Variants in XCR1 observed in about 807,000 individuals in gnomAD.
XCR1 encodes chemokine XC receptor 1.
For synonymous variants in XCR1, 187 were observed against 188.5 expected (o/e 0.99, Z 0.06); for missense variants, 356 against 424.2 (o/e 0.84, Z 1.41).
At chr3:46,063,210 G>C (rs1233059774) in intron 4 of XCR1, among the ~76,000 whole-genome samples, 2 of 152,132 alleles carry the variant, frequency 1.3e-5, no homozygotes, top group Non-Finnish European at 2.9e-5. Flanking sequence ...ATTTACAAAG[G>C]TGTGGCAGGA....
rs1708314252 is a variant in XCR1 at position 46,027,303 on chromosome 3, A to G, written c.-32+114T>C. 2.0e-5 allele frequency: 3 copies of G among 152,360 alleles called. No individual in the cohort carries two copies. In the South Asian group the frequency reaches 6.2e-4, roughly 32 times the overall value. The allele number at this position is 152,360 out of a possible 1,614,324, so 9.4% of individuals were successfully genotyped here. ...CTTCAGAGGTAGCTCAGGAATCAGC[A>G]TATTTACTAGCCCTCCAGGTGGTTC... On this transcript the variant is annotated intron_variant, in intron 1 of 1. Coordinates refer to ENST00000309285, the MANE Select transcript of XCR1 (RefSeq NM_001024644.2).
At chr3:46,022,098 G>C (rs1366130803) in intron 1 of XCR1, 120 bp from the exon 2 acceptor site, 1 of 888,542 alleles carries the variant, frequency 1.1e-6, no homozygotes. Context: ...CCAGGAGTTT[G>C]AGACCATCCC....
intron 5 of XCR1, among the ~76,000 whole-genome samples, chr3:46,041,972 A>T (rs552062040): frequency 6.6e-6 from 1 of 152,206 alleles, no homozygotes; most frequent in South Asian, 2.1e-4. Context: ...CACCCAATTA[A>T]CACCTTCTTC....
At chr3:46,073,336 T>C (rs1698193989) in intron 3 of XCR1, among the ~76,000 whole-genome samples, 1 of 152,188 alleles carries the variant, frequency 6.6e-6, no homozygotes, top group African/African-American at 2.4e-5. Flanking sequence ...GGTTCACATC[T>C]ATAATCCCAA....
intron 5 of XCR1, among the ~76,000 whole-genome samples, chr3:46,048,534 T>G (rs1249378377): frequency 1.3e-5 from 2 of 152,234 alleles, no homozygotes; most frequent in East Asian, 3.9e-4. Flanking sequence ...CCGGAGGGAC[T>G]GGGCCCATGG....
intron 2 of XCR1, among the ~76,000 whole-genome samples, chr3:46,075,910 A>G (rs1433876455): frequency 1.3e-5 from 2 of 152,244 alleles, no homozygotes. Context: ...CCAAATTCTG[A>G]CAAGGATGTG....
intron 1 of XCR1, among the ~76,000 whole-genome samples, chr3:46,077,350 G>A (rs895631358): frequency 9.9e-5 from 15 of 151,856 alleles, no homozygotes; most frequent in Non-Finnish European, 1.8e-4. Flanking sequence ...CTGTGCATGC[G>A]AGGGACCTAG....
chr3:46,040,969 T>C (rs1351121005), intron 5 of XCR1, among the ~76,000 whole-genome samples: 1 of 152,210 alleles, frequency 6.6e-6, no homozygotes, highest in Non-Finnish European at 1.5e-5. Context: ...TTTATGGCTT[T>C]TTTTGTTTGA....
chr3:46,068,674 CT>C (rs1165919070), intron 3 of XCR1, among the ~76,000 whole-genome samples: 3 of 152,122 alleles, frequency 2.0e-5, no homozygotes, highest in African/African-American at 4.8e-5. Context: ...TCCTAAACAG[CT>C]TCCTTTTCCT....
intron 5 of XCR1, among the ~76,000 whole-genome samples, chr3:46,044,837 A>G (rs1218930704): frequency 6.6e-6 from 1 of 152,220 alleles, no homozygotes; most frequent in African/African-American, 2.4e-5. Flanking sequence ...TATAGCTATT[A>G]AACAAATTAA....
chr3:46,020,927 C>A lies in XCR1; in HGVS notation c.*19G>T. On this transcript the variant is annotated 3_prime_UTR_variant, in exon 2 of 2. Coordinates refer to ENST00000309285, the MANE Select transcript of XCR1 (RefSeq NM_001024644.2). The stretch of plus-strand genomic sequence containing the variant: ...AGTCCCTGTCCACCTGCACCTGCGC[C>A]TGCACCGCCACAGGCCCCTCAGTAG... 1 of 1,603,174 alleles carries A rather than the reference C, an allele frequency of 6.2e-7. No individual in the cohort carries two copies. The highest frequency in any genetic ancestry group is 1.1e-5 in the South Asian group (1 of 89,612).
upstream of XCR1, among the ~76,000 whole-genome samples, chr3:46,028,604 T>G (rs1286275175): frequency 6.6e-6 from 1 of 151,892 alleles, no homozygotes; most frequent in Non-Finnish European, 1.5e-5. Context: ...TTTCCTTTTT[T>G]TTTTTGAGGC....
chr3:46,027,205 C>T (rs1012830733), intron 1 of XCR1, among the ~76,000 whole-genome samples: 2 of 152,164 alleles, frequency 1.3e-5, no homozygotes, highest in East Asian at 1.9e-4. Context: ...TGAGCCACTG[C>T]GCCCAGCCCA....
chr3:46,033,081 C>T (rs1022941933), intron 5 of XCR1, among the ~76,000 whole-genome samples: 2 of 147,408 alleles, frequency 1.4e-5, no homozygotes, highest in Non-Finnish European at 1.5e-5. Flanking sequence ...CTTGTCTATT[C>T]ATTCTTTTAA....
At chr3:46,083,511 A>G (rs1451587753) in intron 1 of XCR1, among the ~76,000 whole-genome samples, 2 of 152,216 alleles carry the variant, frequency 1.3e-5, no homozygotes, top group Non-Finnish European at 2.9e-5. Flanking sequence ...AAATGTGCTA[A>G]TTATCTGGCT....
At chr3:46,062,606 C>T (rs1433577896) in intron 4 of XCR1, among the ~76,000 whole-genome samples, 2 of 152,262 alleles carry the variant, frequency 1.3e-5, no homozygotes, top group Non-Finnish European at 2.9e-5. Context: ...TCTCCCGTTA[C>T]TCTTTTGGGA....
At chr3:46,064,714 C>T (rs905210700) in intron 4 of XCR1, among the ~76,000 whole-genome samples, 13 of 152,332 alleles carry the variant, frequency 8.5e-5, no homozygotes, top group Admixed American at 5.9e-4. Flanking sequence ...GTTCCAGCTG[C>T]GCCTAGCTCT....
chr3:46,071,810 T>C (rs1302408128), intron 3 of XCR1, among the ~76,000 whole-genome samples: 1 of 151,958 alleles, frequency 6.6e-6, no homozygotes. Flanking sequence ...GAACATACCA[T>C]AAAATAATAA....
intron 5 of XCR1, among the ~76,000 whole-genome samples, chr3:46,044,977 C>A (rs550065896): frequency 1.1e-4 from 16 of 152,258 alleles, no homozygotes; most frequent in African/African-American, 3.9e-4. Context: ...GCAGAAGGAA[C>A]ATTTATGAAC....
Sources: allele counts gnomAD v4.1 joint callset (sites outside exome capture counted in the v4.1 genomes callset), GRCh38; gene constraint gnomAD v4.1.1; transcripts MANE v1.5; gene names NCBI Gene and HGNC (gene_info 2026-07-23, HGNC 2026-07-21).